SP100: variants seen among roughly 807,000 people sequenced by gnomAD.
The protein encoded by SP100 is nuclear autoantigen Sp-100.
In SP100, 84 loss-of-function variants were observed where a neutral mutation model predicts 130.0. That is an observed-to-expected ratio of 0.65 (90% confidence interval 0.54 to 0.77). The LOEUF (loss-of-function observed/expected upper bound fraction) is 0.77. SP100 is among the 30% of genes least tolerant of loss of function. SP100 has a pLI of 0.00. For missense variants in SP100, 978 were observed against 1,052.2 expected (o/e 0.93, Z 0.97); for synonymous variants, 331 against 351.7 (o/e 0.94, Z 0.66).
At chr2:230,461,505 A>C in intron 9 of SP100, 91 bp downstream of exon 9, 1 of 1,325,892 alleles carries the variant, frequency 7.5e-7, no homozygotes, top group East Asian at 2.3e-5. Context: ...GGGGCAGTGC[A>C]GGTAGCCTGG....
intron 17 of SP100, among the ~76,000 whole-genome samples, chr2:230,481,852 C>T (rs558396024): frequency 1.3e-5 from 2 of 152,318 alleles, no homozygotes; most frequent in African/African-American, 2.4e-5. Flanking sequence ...CCTTGCACTT[C>T]GTGTTGACTC....
intron 2 of SP100, among the ~76,000 whole-genome samples, chr2:230,421,190 G>C (rs1248145027): frequency 1.3e-5 from 2 of 151,966 alleles, no homozygotes; most frequent in East Asian, 1.9e-4. Context: ...CTTGGATTTT[G>C]TGTGTCCTCA....
intron 5 of SP100, among the ~76,000 whole-genome samples, chr2:230,447,917 C>T (rs2149917124): frequency 6.6e-6 from 1 of 152,356 alleles, no homozygotes; most frequent in East Asian, 1.9e-4. Context: ...GCTCCCCTGG[C>T]AACCACACCC....
In SP100 at chr2:230,446,838, T is replaced by C. The variant is rs758052539; in HGVS notation, c.459T>C (p.Pro153=). The C allele has an allele frequency of 6.2e-7, 1 of 1,610,500 alleles. No homozygotes were observed. The highest frequency in any genetic ancestry group is 8.5e-7 in the Non-Finnish European group (1 of 1,177,124). ...CTTCAGTAATCCATGACAAATTGCC[T>C]CTCCAAGAAAGTGAAGAAGAAGAGA... ...GFENVIHDKL[P]LQESEEEERE... Residue 153 remains proline, a synonymous_variant, in exon 5 of 29, where the codon CCT becomes CCC. Transcript: ENST00000340126.
intron 2 of SP100, among the ~76,000 whole-genome samples, chr2:230,418,321 A>G (rs532462396): frequency 1.6e-4 from 25 of 152,182 alleles, no homozygotes; most frequent in African/African-American, 5.8e-4. Context: ...TTTATTTTTG[A>G]GGAGGGATCT....
intron 1 of SP100, among the ~76,000 whole-genome samples, chr2:230,417,324 T>C (rs2062628552): frequency 6.6e-6 from 1 of 152,216 alleles, no homozygotes; most frequent in African/African-American, 2.4e-5. Flanking sequence ...CTTTTAACCT[T>C]AATACATATA....
intron 24 of SP100, among the ~76,000 whole-genome samples, chr2:230,532,437 T>A (rs1272141845): frequency 1.3e-5 from 2 of 152,094 alleles, no homozygotes; most frequent in South Asian, 2.1e-4. Flanking sequence ...TATTGGCCTA[T>A]CCTTAAGGAA....
At chr2:230,513,085 T>C (rs538838721) in intron 24 of SP100, among the ~76,000 whole-genome samples, 117 of 152,310 alleles carry the variant, frequency 7.7e-4, no homozygotes, top group African/African-American at 2.8e-3. Flanking sequence ...AACCTTCTGC[T>C]GTGTGGCCCA....
chr2:230,511,238 C>A, intron 24 of SP100, 72 bp downstream of exon 24: 1 of 1,024,284 alleles, frequency 9.8e-7, no homozygotes, highest in Non-Finnish European at 1.6e-6. Flanking sequence ...GTCATGACTG[C>A]CTTTCCCCGA....
intron 24 of SP100, among the ~76,000 whole-genome samples, chr2:230,531,518 A>G (rs1362347994): frequency 6.6e-6 from 1 of 152,184 alleles, no homozygotes. Context: ...GTGCACATGT[A>G]CCCTAGAATT....
In SP100 at chr2:230,444,428, A is replaced by G; in HGVS notation, c.439+82A>G. 10 of 1,132,842 alleles carry G rather than the reference A, an allele frequency of 8.8e-6. No individual in the cohort carries two copies. The South Asian group carries it at 1.4e-4, about 16-fold the overall frequency. 70.2% of individuals were successfully genotyped at this position (1,132,842 alleles called of 1,614,324 possible). A position where few individuals can be genotyped will look rare whatever the true frequency, so the allele number is the denominator to read the frequency against. On this transcript the variant is annotated intron_variant, in intron 4 of 28. Transcript: ENST00000340126. ...ATATACTGATCTCCTACCATGAGTG[A>G]CATGTTGTGTTGGGCAGTGGGCATA...
At chr2:230,528,445 T>G (rs1257007677) in intron 24 of SP100, among the ~76,000 whole-genome samples, 1 of 152,212 alleles carries the variant, frequency 6.6e-6, no homozygotes, top group East Asian at 1.9e-4. Context: ...GAGGGAAATT[T>G]ATAGCACTAA....
Position 230,539,279 on chromosome 2 carries a change from A to G in SP100, c.2107A>G (p.Asn703Asp), listed in dbSNP as rs1692072098. ...TLVDPCPENS[N>D]ICEVCNKWGR... ...TCTCCCCTTCTAGCCGGAAAACTCA[A>G]ATATATGTGAGGTGTGCAACAAATG... Residue 703 changes from asparagine (N) to aspartate (D), a missense_variant, in exon 25 of 29, where the codon AAT becomes GAT. By Grantham distance (23) the Asn-to-Asp change is conservative. Coordinates refer to ENST00000340126, the MANE Select transcript of SP100 (RefSeq NM_001080391.2). 6.2e-7 allele frequency: 1 copy of G among 1,613,408 alleles called. No individual in the cohort carries two copies. Among genetic ancestry groups the G allele is most frequent in the Non-Finnish European group, 8.5e-7 (1 of 1,179,432 alleles).
chr2:230,420,067 G>T (rs2062725255), intron 2 of SP100, among the ~76,000 whole-genome samples: 1 of 152,224 alleles, frequency 6.6e-6, no homozygotes. Context: ...GAGAAACATA[G>T]TAAATCTCTC....
intron 19 of SP100, 39 bp from the exon 20 acceptor site, chr2:230,503,027 A>G: frequency 1.3e-6 from 2 of 1,483,070 alleles, no homozygotes; most frequent in Non-Finnish European, 1.9e-6. Context: ...ACTATTTGCA[A>G]TGTAAAGAGA....
chr2:230,522,592 G>A (rs1365137799), intron 24 of SP100, among the ~76,000 whole-genome samples: 13 of 144,752 alleles, frequency 9.0e-5, no homozygotes, highest in African/African-American at 1.8e-4. Flanking sequence ...GGGTTCAAGC[G>A]ATTCTCCTGC....
intron 2 of SP100, among the ~76,000 whole-genome samples, chr2:230,437,140 T>A (rs773430799): frequency 6.6e-6 from 1 of 152,184 alleles, no homozygotes; most frequent in Non-Finnish European, 1.5e-5. Flanking sequence ...AGTTTTTATT[T>A]CATAGTTTTA....
At position 230,473,659 on chromosome 2, in the gene SP100, A is replaced by C. The variant is rs977163392; in HGVS notation, c.1546+219A>C. Among the ~76,000 whole-genome samples, 8 of 152,242 alleles carry C rather than the reference A, an allele frequency of 5.3e-5. 1 individual carries two copies. The highest frequency in any genetic ancestry group is 4.4e-5 in the Non-Finnish European group (3 of 68,040). On this transcript the variant is annotated intron_variant, in intron 16 of 28. Transcript: ENST00000340126. Reference sequence around the variant, plus strand: ...CTTGACTGTGAGCAGACTGTGACAAAGAACAGGTTTGGTGCCGCCAGAATC... The same window carrying C: ...CTTGACTGTGAGCAGACTGTGACAACGAACAGGTTTGGTGCCGCCAGAATC...
chr2:230,434,908 C>T (rs548265391), intron 2 of SP100, among the ~76,000 whole-genome samples: 23 of 152,280 alleles, frequency 1.5e-4, no homozygotes, highest in African/African-American at 4.3e-4. Context: ...TCATTTCAGA[C>T]CCTTTGAACA....
Sources: gnomAD v4.1 joint callset for allele counts (sites outside exome capture counted in the v4.1 genomes callset) on GRCh38, gnomAD v4.1.1 for gene constraint, MANE v1.5 for transcripts, NCBI Gene and HGNC (gene_info 2026-07-23, HGNC 2026-07-21) for gene names.